Variants in KIAA1958 observed in about 807,000 individuals in gnomAD.
KIAA1958 encodes the protein KIAA1958.
Under a neutral mutation model 47.2 loss-of-function variants are expected in KIAA1958, and 14 were observed. The observed-to-expected ratio is 0.30, with a 90% CI of 0.20 to 0.46. KIAA1958 has a LOEUF of 0.46. Ranked by LOEUF, KIAA1958 falls within the 20% of genes least tolerant of loss-of-function variation. KIAA1958 has a pLI of 1.00. For synonymous variants in KIAA1958, 354 were observed against 353.3 expected (o/e 1.00, Z -0.02); for missense variants, 803 against 909.2 (o/e 0.88, Z 1.50).
Position 112,568,936 on chromosome 9 carries a change from T to TAAAAAAAAAAAAAAAAA in KIAA1958, c.-24-5106_-24-5090dup, listed in dbSNP as rs57898820. Among the ~76,000 whole-genome samples the TAAAAAAAAAAAAAAAAA allele has an allele frequency of 4.7e-4, 17 of 36,456 alleles. 2 individuals carry two copies. The highest frequency in any genetic ancestry group is 9.0e-4 in the African/African-American group (8 of 8,892). The allele number at this position is 36,456 out of a possible 152,430, so 23.9% of individuals were successfully genotyped here. On this transcript the variant is annotated intron_variant, in intron 1 of 3. Transcript: ENST00000337530. ...GCTGCCAATTTAAGAATAGGAAAAC[T>TAAAAAAAAAAAAAAAAA]AAAAAAAAAAAAAAAAAAAAAAAAA... is the stretch of plus-strand genomic sequence containing the variant.
At chr9:112,577,787 A>G (rs1835673176) in intron 2 of KIAA1958, among the ~76,000 whole-genome samples, 2 of 152,032 alleles carry the variant, frequency 1.3e-5, no homozygotes, top group South Asian at 4.1e-4. Context: ...AAAAAAAAAA[A>G]ACGAATCCAT....
At position 112,668,450 on chromosome 9, in the gene KIAA1958, G is replaced by T. The variant is rs187135494; in HGVS notation, c.*8381G>T. 1 of 152,336 alleles carries T rather than the reference G, an allele frequency of 6.6e-6. No individual in the cohort carries two copies. Among genetic ancestry groups the T allele is most frequent in the African/African-American group, 2.4e-5 (1 of 41,570 alleles). 9.4% of individuals were successfully genotyped at this position (152,336 alleles called of 1,614,324 possible). A position where few individuals can be genotyped will look rare whatever the true frequency, so the allele number is the denominator to read the frequency against. ...CGCCATTTAAATTCAGACATCAAGG[G>T]AATGAATGCAGTTTTAAAAATCCGA... On this transcript the variant is annotated 3_prime_UTR_variant, in exon 4 of 4. Coordinates refer to ENST00000337530, the MANE Select transcript of KIAA1958 (RefSeq NM_133465.4).
chr9:112,604,124 A>G (rs953921660), intron 2 of KIAA1958, among the ~76,000 whole-genome samples: 28 of 152,342 alleles, frequency 1.8e-4, no homozygotes, highest in Admixed American at 1.8e-3. Context: ...CTGAATTTAA[A>G]TCTAACATAA....
At chr9:112,625,972 T>A (rs1437006043) in intron 2 of KIAA1958, among the ~76,000 whole-genome samples, 2 of 152,246 alleles carry the variant, frequency 1.3e-5, no homozygotes, top group African/African-American at 2.4e-5. Context: ...CACTTGGATA[T>A]CGAGCTACAT....
intron 1 of KIAA1958, among the ~76,000 whole-genome samples, chr9:112,525,639 A>G (rs1275140405): frequency 6.6e-6 from 1 of 152,148 alleles, no homozygotes; most frequent in East Asian, 1.9e-4. Flanking sequence ...TCTAGTACCT[A>G]TTATATGAAG....
intron 1 of KIAA1958, among the ~76,000 whole-genome samples, chr9:112,554,627 T>C (rs1187247725): frequency 6.6e-6 from 1 of 152,184 alleles, no homozygotes; most frequent in East Asian, 1.9e-4. Context: ...CATTCTTATA[T>C]TGGCTACAAA....
chr9:112,611,060 AT>A (rs1836319444), intron 2 of KIAA1958, among the ~76,000 whole-genome samples: 1 of 152,210 alleles, frequency 6.6e-6, no homozygotes, highest in African/African-American at 2.4e-5. Context: ...TGAATAGGAA[AT>A]TCTTTAATAA....
At chr9:112,620,625 A>G (rs571557272) in intron 2 of KIAA1958, among the ~76,000 whole-genome samples, 11 of 152,284 alleles carry the variant, frequency 7.2e-5, no homozygotes, top group African/African-American at 2.4e-4. Flanking sequence ...CCATAGAGAA[A>G]TATTCATTTA....
intron 1 of KIAA1958, among the ~76,000 whole-genome samples, chr9:112,565,942 C>T (rs938356471): frequency 8.5e-5 from 13 of 152,200 alleles, no homozygotes; most frequent in African/African-American, 2.9e-4. Flanking sequence ...CTCGCTCTGT[C>T]GCCCAGGCTG....
intron 1 of KIAA1958, among the ~76,000 whole-genome samples, chr9:112,556,258 G>GACTC (rs1236525825): frequency 2.6e-5 from 4 of 152,172 alleles, no homozygotes; most frequent in Admixed American, 6.5e-5. Context: ...CTGCAAGGTT[G>GACTC]ACTCAGCTTT....
intron 2 of KIAA1958, among the ~76,000 whole-genome samples, chr9:112,616,126 C>T (rs1272926589): frequency 1.3e-5 from 2 of 152,176 alleles, no homozygotes; most frequent in Admixed American, 6.5e-5. Context: ...CTGTGGCTTC[C>T]ATGTTTTTGA....
chr9:112,609,930 T>C (rs995207280), intron 2 of KIAA1958, among the ~76,000 whole-genome samples: 4 of 152,176 alleles, frequency 2.6e-5, no homozygotes, highest in African/African-American at 9.7e-5. Context: ...TATAATACCC[T>C]ATTCTTCCAC....
intron 1 of KIAA1958, among the ~76,000 whole-genome samples, chr9:112,564,732 A>T (rs943352821): frequency 3.9e-5 from 6 of 152,236 alleles, no homozygotes; most frequent in African/African-American, 1.4e-4. Flanking sequence ...TTACAAATTC[A>T]ACTTAAATCT....
intron 1 of KIAA1958, among the ~76,000 whole-genome samples, chr9:112,500,141 G>C (rs746427854): frequency 6.6e-6 from 1 of 151,412 alleles, no homozygotes; most frequent in African/African-American, 2.4e-5. Context: ...TCGCTCTGTC[G>C]CCGAGCCTGG....
At position 112,588,473 on chromosome 9, in the gene KIAA1958, G is replaced by A. The variant is rs545212090; in HGVS notation, c.1171+13222G>A. On this transcript the variant is annotated intron_variant, in intron 2 of 3. Transcript: ENST00000337530. Reference sequence around the variant, plus strand: ...ACATCTGAAATGTCACTGACTGTAAGCAGTATTATTATTTTATGTTCCGCA... The same window carrying A: ...ACATCTGAAATGTCACTGACTGTAAACAGTATTATTATTTTATGTTCCGCA... 1.9e-4 allele frequency among the ~76,000 whole-genome samples: 29 copies of A among 152,234 alleles called. No homozygotes were observed. In the South Asian group the frequency reaches 5.6e-3, roughly 29 times the overall value.
intron 1 of KIAA1958, among the ~76,000 whole-genome samples, chr9:112,568,002 T>A (rs2131166478): frequency 6.7e-6 from 1 of 149,798 alleles, no homozygotes; most frequent in Middle Eastern, 3.4e-3. Flanking sequence ...AATACAATTC[T>A]GGAAAAAAAT....
intron 1 of KIAA1958, among the ~76,000 whole-genome samples, chr9:112,564,289 T>G (rs992255835): frequency 2.6e-5 from 4 of 152,218 alleles, no homozygotes; most frequent in Non-Finnish European, 5.9e-5. Context: ...TTTTTTTAAG[T>G]CAATTTCTTT....
At chr9:112,490,972 CATT>C (rs1043461606) in intron 1 of KIAA1958, among the ~76,000 whole-genome samples, 4 of 152,112 alleles carry the variant, frequency 2.6e-5, no homozygotes, top group Admixed American at 6.5e-5. Flanking sequence ...TGAGATATAA[CATT>C]ATGTTTTTTA....
At chr9:112,570,353 G>A (rs555709148) in intron 1 of KIAA1958, among the ~76,000 whole-genome samples, 5 of 152,220 alleles carry the variant, frequency 3.3e-5, no homozygotes, top group African/African-American at 7.2e-5. Flanking sequence ...TAATTTGGCC[G>A]GGGAGATTTC....
Sources: allele counts gnomAD v4.1 joint callset (sites outside exome capture counted in the v4.1 genomes callset), GRCh38; gene constraint gnomAD v4.1.1; transcripts MANE v1.5; gene names NCBI Gene and HGNC (gene_info 2026-07-23, HGNC 2026-07-21).